DIS3L2: variants seen among roughly 807,000 people sequenced by gnomAD.
The protein encoded by DIS3L2 is DIS3 like 3'-5' exoribonuclease 2.
DIS3L2 carries 34 observed loss-of-function variants against 97.5 expected under a neutral mutation model. The ratio of observed to expected loss-of-function variants is 0.35; its 90% CI spans 0.27 to 0.46. The LOEUF (loss-of-function observed/expected upper bound fraction) is 0.46, where lower values mean the gene tolerates loss of function less well. DIS3L2 is among the 20% of genes least tolerant of loss of function. DIS3L2 has a pLI of 1.00. For missense variants in DIS3L2, 1,038 were observed against 1,146.0 expected, an observed-to-expected ratio of 0.91 and a Z score of 1.36; for synonymous variants, 435 against 445.2, an observed-to-expected ratio of 0.98 and a Z score of 0.29.
At position 232,245,938 on chromosome 2, in the gene DIS3L2, G is replaced by A. The variant is rs555327348; in HGVS notation, c.1318-3301G>A. On this transcript the variant is annotated intron_variant, in intron 11 of 20. Coordinates refer to ENST00000325385, the MANE Select transcript of DIS3L2 (RefSeq NM_152383.5). ...TATTTCATAAAATGTTTTATGTGAT[G>A]CAGTAAACATAGAAAAAAAGAGGTG... 2.0e-5 allele frequency among the ~76,000 whole-genome samples: 3 copies of A among 152,314 alleles called. No individual in the cohort carries two copies. The East Asian group carries it at 5.8e-4, about 29-fold the overall frequency.
intron 6 of DIS3L2, among the ~76,000 whole-genome samples, chr2:232,111,927 A>G (rs1697548931): frequency 6.6e-6 from 1 of 152,242 alleles, no homozygotes; most frequent in South Asian, 2.1e-4. Flanking sequence ...ATCTAAGGCC[A>G]TTAGTGAACC....
chr2:232,185,849 CAA>C (rs71056259), intron 9 of DIS3L2, among the ~76,000 whole-genome samples: 126 of 102,230 alleles, frequency 1.2e-3, no homozygotes, highest in Middle Eastern at 5.0e-3. Flanking sequence ...GACTTCGTCT[CAA>C]AAAAAAAAAA....
At chr2:232,199,523 A>AT (rs1356095273) in intron 9 of DIS3L2, among the ~76,000 whole-genome samples, 1 of 152,190 alleles carries the variant, frequency 6.6e-6, no homozygotes, top group African/African-American at 2.4e-5. Flanking sequence ...AGAGGATAAG[A>AT]TTTGGAGTAG....
At chr2:232,343,583 T>C (rs758929097) in exon 14 of DIS3L2, 3 of 1,575,236 alleles carry the variant, frequency 1.9e-6, no homozygotes, top group Non-Finnish European at 2.6e-6. Context: ...TGAAGAAGCA[T>C]GTGGAATTCC....
At chr2:231,968,800 CG>C (rs1337735103) in intron 1 of DIS3L2, among the ~76,000 whole-genome samples, 2 of 152,006 alleles carry the variant, frequency 1.3e-5, no homozygotes, top group Non-Finnish European at 2.9e-5. Context: ...TTTAGTTATC[CG>C]TAAGTATTTC....
At chr2:232,105,325 G>C (rs2106327242) in intron 6 of DIS3L2, among the ~76,000 whole-genome samples, 1 of 152,280 alleles carries the variant, frequency 6.6e-6, no homozygotes, top group East Asian at 1.9e-4. Flanking sequence ...GGATTGTGAG[G>C]TTTTTAAAAG....
chr2:231,977,014 G>A (rs531990818), intron 1 of DIS3L2, among the ~76,000 whole-genome samples: 3 of 152,064 alleles, frequency 2.0e-5, no homozygotes, highest in Non-Finnish European at 4.4e-5. Flanking sequence ...TGATCCGCCC[G>A]CCTCAGCCTC....
chr2:232,241,121 C>T (rs560892267), intron 11 of DIS3L2, among the ~76,000 whole-genome samples: 133 of 152,330 alleles, frequency 8.7e-4, no homozygotes, highest in Non-Finnish European at 1.7e-3. Flanking sequence ...AGCAGCTGTG[C>T]GCTCTGATTC....
At chr2:232,331,827 G>T (rs73995235) in intron 16 of DIS3L2, 17,508 of 152,194 alleles carry the variant, frequency 0.12, 1,438 homozygotes, top group African/African-American at 0.24. Context: ...GAGCCGCTCC[G>T]GAGTTAGCCA....
At chr2:232,242,323 G>C (rs908791911) in intron 11 of DIS3L2, among the ~76,000 whole-genome samples, 3 of 152,228 alleles carry the variant, frequency 2.0e-5, no homozygotes, top group African/African-American at 2.4e-5. Flanking sequence ...TATGGGCTGC[G>C]ATGGCCAATG....
intron 6 of DIS3L2, chr2:232,111,110 G>T (rs1427879410): frequency 7.4e-6 from 3 of 407,850 alleles, no homozygotes; most frequent in Non-Finnish European, 1.0e-5. Flanking sequence ...GTGAGATCCT[G>T]GGCAAATTTA....
chr2:232,181,547 G>A (rs539438253), intron 9 of DIS3L2, among the ~76,000 whole-genome samples: 455 of 151,756 alleles, frequency 3.0e-3, no homozygotes, highest in Middle Eastern at 6.8e-3. Context: ...TTCCCTTCTC[G>A]CTTCATTTCA....
chr2:231,998,866 T>G (rs565237402), intron 1 of DIS3L2, among the ~76,000 whole-genome samples: 75 of 152,334 alleles, frequency 4.9e-4, no homozygotes, highest in African/African-American at 1.5e-3. Flanking sequence ...TGGATTCTTA[T>G]TTAGTCAGTT....
chr2:232,124,931 C>G (rs745877887), intron 6 of DIS3L2, among the ~76,000 whole-genome samples: 3 of 152,258 alleles, frequency 2.0e-5, no homozygotes, highest in Admixed American at 1.3e-4. Context: ...ATATTATTCT[C>G]AGAATTTGCA....
chr2:232,230,607 G>A (rs1226171820), intron 10 of DIS3L2, among the ~76,000 whole-genome samples: 1 of 152,142 alleles, frequency 6.6e-6, no homozygotes, highest in African/African-American at 2.4e-5. Context: ...CCAGCAGGTT[G>A]TACTTCTGAT....
intron 6 of DIS3L2, among the ~76,000 whole-genome samples, chr2:232,094,765 A>T (rs958876587): frequency 6.6e-6 from 1 of 150,656 alleles, no homozygotes; most frequent in African/African-American, 2.4e-5. Flanking sequence ...TCCAGCTGTT[A>T]TTATATTGGG....
intron 10 of DIS3L2, among the ~76,000 whole-genome samples, chr2:232,222,185 C>A (rs1692524659): frequency 6.6e-6 from 1 of 152,152 alleles, no homozygotes. Flanking sequence ...TCAGGTTATC[C>A]ACCCACCTCG....
chr2:232,215,522 T>C (rs548644706), intron 10 of DIS3L2, among the ~76,000 whole-genome samples: 230 of 152,310 alleles, frequency 1.5e-3, no homozygotes, highest in African/African-American at 4.6e-3. Flanking sequence ...ATGACATTTT[T>C]TGGGGAGGAT....
intron 6 of DIS3L2, among the ~76,000 whole-genome samples, chr2:232,122,299 C>T (rs991731476): frequency 4.6e-5 from 7 of 152,210 alleles, no homozygotes; most frequent in Non-Finnish European, 7.3e-5. Flanking sequence ...CTCCCATTAA[C>T]TCCTTAGGGT....
Sources: gnomAD v4.1 joint callset for allele counts (sites outside exome capture counted in the v4.1 genomes callset) on GRCh38, gnomAD v4.1.1 for gene constraint, MANE v1.5 for transcripts, NCBI Gene and HGNC (gene_info 2026-07-23, HGNC 2026-07-21) for gene names.